Variants in LRRC23 observed in about 807,000 individuals in gnomAD.
The protein encoded by LRRC23 is leucine-rich repeat-containing protein 23.
In LRRC23, 28 loss-of-function variants were observed where a neutral mutation model predicts 37.7. That is an observed-to-expected ratio of 0.74 (90% CI 0.55 to 1.02). LRRC23 has a LOEUF of 1.02. LRRC23 is among the 50% of genes least tolerant of loss of function. The pLI is 0.00. For synonymous variants in LRRC23, 161 were observed against 165.4 expected (o/e 0.97, Z 0.20); for missense variants, 377 against 413.2 (o/e 0.91, Z 0.76).
intron 7 of LRRC23, 172 bp downstream of exon 7, chr12:6,913,199 G>A: frequency 3.1e-6 from 2 of 651,434 alleles, no homozygotes; most frequent in Non-Finnish European, 2.6e-6. Flanking sequence ...GACCCAAGGG[G>A]CCTGGGACCA....
At position 6,906,759 on chromosome 12, in the gene LRRC23, C is replaced by T. The variant is rs1222398306; in HGVS notation, c.490+97C>T. ...GTCCTTGGCTAGGGCACATGGCAGT[C>T]TGCATTCATTCATTCATTCAGATAC... On this transcript the variant is annotated intron_variant, in intron 4 of 7. Transcript: ENST00000443597. The T allele has an allele frequency of 3.2e-6, 4 of 1,261,920 alleles. No individual in the cohort carries two copies. In the East Asian group the frequency reaches 7.0e-5, roughly 22 times the overall value. 78.2% of individuals were successfully genotyped at this position (1,261,920 alleles called of 1,614,324 possible). A position where few individuals can be genotyped will look rare whatever the true frequency, so the allele number is the denominator to read the frequency against.
intron 6 of LRRC23, among the ~76,000 whole-genome samples, chr12:6,911,611 T>A (rs192482151): frequency 6.6e-6 from 1 of 152,334 alleles, no homozygotes; most frequent in Non-Finnish European, 1.5e-5. Flanking sequence ...ACAAAGTTCC[T>A]GTAGCCCTCC....
intron 4 of LRRC23, 185 bp downstream of exon 4, chr12:6,906,847 C>T (rs1241371358): frequency 3.5e-5 from 23 of 654,996 alleles, no homozygotes; most frequent in South Asian, 2.1e-4. Flanking sequence ...AGACAAGGAA[C>T]GTCCCTATTC....
intron 1 of LRRC23, 186 bp downstream of exon 1, chr12:6,905,261 T>G: frequency 9.8e-6 from 2 of 204,316 alleles, no homozygotes; most frequent in Non-Finnish European, 1.0e-5. Flanking sequence ...GTAGGGAAGA[T>G]TGGAGAGCAT....
At position 6,905,837 on chromosome 12, in the gene LRRC23, A is replaced by G. The variant is rs550498125; in HGVS notation, c.127-8A>G. ...GGGAGAGACACCTTACTCCACTTCT[A>G]CCTGCAGTGGCTGCCCACCCCCCTC... On this transcript the variant is annotated splice_region_variant and splice_polypyrimidine_tract_variant and intron_variant, in intron 2 of 7. Coordinates refer to ENST00000443597, the MANE Select transcript of LRRC23 (RefSeq NM_001135217.2). The G allele has an allele frequency of 1.7e-5, 28 of 1,612,964 alleles. No individual in the cohort carries two copies. Among genetic ancestry groups the G allele is most frequent in the Admixed American group, 3.3e-5 (2 of 59,980 alleles).
At position 6,909,441 on chromosome 12, in the gene LRRC23, A is replaced by G. The variant is rs868989789; in HGVS notation, c.622-449A>G. On this transcript the variant is annotated intron_variant, in intron 5 of 7. Coordinates refer to ENST00000443597, the MANE Select transcript of LRRC23 (RefSeq NM_001135217.2). ...TATATAATATATAAATATTATATAT[A>G]ATAGTATATAATATATAATATATAA... Among the ~76,000 whole-genome samples the G allele has an allele frequency of 1.9e-4, 15 of 79,276 alleles. 3 individuals are homozygous for G. The highest frequency in any genetic ancestry group is 7.0e-4 in the African/African-American group (12 of 17,028). 52.0% of individuals were successfully genotyped at this position (79,276 alleles called of 152,430 possible). A position where few individuals can be genotyped will look rare whatever the true frequency, so the allele number is the denominator to read the frequency against.
Position 6,912,771 on chromosome 12 carries a change from G to A in LRRC23, c.800G>A (p.Arg267Gln). 73 of 1,614,116 alleles carry A rather than the reference G, an allele frequency of 4.5e-5. No homozygotes were observed. The highest frequency in any genetic ancestry group is 6.1e-5 in the Non-Finnish European group (72 of 1,180,018). ...AACCTGGGGGAGCTGGCCAAGCTTC[G>A]AGACCTGCCCAAGCTGCGAGCGTTG... is the stretch of plus-strand genomic sequence containing the variant. The part of the protein sequence containing the change: ...VANLGELAKL[R>Q]DLPKLRALVL... The change falls in exon 7 of 8, where the codon CGA becomes CAA. Residue 267 changes from arginine to glutamine, a missense_variant. Coordinates refer to ENST00000443597, the MANE Select transcript of LRRC23 (RefSeq NM_001135217.2).
chr12:6,913,276 G>GT, intron 7 of LRRC23: 1 of 474,144 alleles, frequency 2.1e-6, no homozygotes, highest in East Asian at 3.7e-5. Flanking sequence ...AGAGGAGTTG[G>GT]TGGGGGGTGG....
intron 6 of LRRC23, among the ~76,000 whole-genome samples, chr12:6,911,769 G>A (rs1033380375): frequency 2.0e-5 from 3 of 152,146 alleles, no homozygotes; most frequent in East Asian, 1.9e-4. Flanking sequence ...GCACTTTGGG[G>A]GGGCCAAGGC....
rs1379576759 is a variant in LRRC23, at chr12:6,905,932, G to A, written c.214G>A (p.Val72Ile). 6.2e-7 allele frequency: 1 copy of A among 1,613,910 alleles called. No individual in the cohort carries two copies. Among genetic ancestry groups the A allele is most frequent in the African/African-American group, 1.3e-5 (1 of 74,854 alleles). ...AGGCAATGGGCTGGCTCATGCTTAT[G>A]TCAAGCTGGAGGTTAAAGAGAGGTG... ...KTGNGLAHAY[V>I]KLEVKERDLT... The change falls in exon 3 of 8, where the codon GTC becomes ATC. Residue 72 changes from valine (V) to isoleucine (I), a missense_variant. Transcript: ENST00000443597.
intron 6 of LRRC23, among the ~76,000 whole-genome samples, chr12:6,910,942 T>TCAGGCA (rs1945144808): frequency 6.6e-6 from 1 of 151,950 alleles, no homozygotes; most frequent in African/African-American, 2.4e-5. Flanking sequence ...CAGAGGTGAT[T>TCAGGCA]CCTGTTCCTA....
intron 5 of LRRC23, among the ~76,000 whole-genome samples, chr12:6,908,596 C>CAAAAAAAAAAAAAAAAAAAAAA (rs61662814): frequency 3.2e-5 from 1 of 31,090 alleles, no homozygotes; most frequent in African/African-American, 9.8e-5. Context: ...GACTCCATCT[C>CAAAAAAAAAAAAAAAAAAAAAA]AAAAAAAAAA....
chr12:6,910,846 G>A (rs1555140631), intron 6 of LRRC23, among the ~76,000 whole-genome samples: 1 of 152,168 alleles, frequency 6.6e-6, no homozygotes, highest in Non-Finnish European at 1.5e-5. Flanking sequence ...GAGCCCAGGA[G>A]TTCAAGGTTG....
Position 6,914,200 on chromosome 12 carries a change from T to G in LRRC23, c.*334T>G. 1 of 782,044 alleles carries G rather than the reference T, an allele frequency of 1.3e-6. No individual in the cohort carries two copies. The highest frequency in any genetic ancestry group is 2.0e-6 in the Non-Finnish European group (1 of 509,630). The allele number at this position is 782,044 out of a possible 1,614,324, so 48.4% of individuals were successfully genotyped here. On this transcript the variant is annotated 3_prime_UTR_variant, in exon 8 of 8. Transcript: ENST00000443597. The surrounding 1 kb of genome is among the most constrained non-coding windows in gnomAD (Gnocchi z 7.1). ...AGACTTGCGAAGGCGGCTGGGGTGT[T>G]CGGATTTCCAATAAAGAAACAGAGT...
At chr12:6,913,180 A>G in intron 7 of LRRC23, 153 bp downstream of exon 7, 1 of 753,984 alleles carries the variant, frequency 1.3e-6, no homozygotes, top group Non-Finnish European at 2.0e-6. Context: ...AGTCAGGGAG[A>G]GGAAAAGGGA....
rs781851520 is a variant in LRRC23, at chr12:6,913,935, G to A, written c.*69G>A. 1.1e-5 allele frequency: 17 copies of A among 1,611,294 alleles called. No individual in the cohort carries two copies. The highest frequency in any genetic ancestry group is 1.7e-5 in the Admixed American group (1 of 59,406). ...TTCAGACCTGATCAGACTCCCAGGG[G>A]CAGCCACCACATGTATGACAGAGAA... On this transcript the variant is annotated 3_prime_UTR_variant, in exon 8 of 8. Coordinates refer to ENST00000443597, the MANE Select transcript of LRRC23 (RefSeq NM_001135217.2).
At chr12:6,906,820 C>A in intron 4 of LRRC23, 158 bp downstream of exon 4, 1 of 807,518 alleles carries the variant, frequency 1.2e-6, no homozygotes, top group Non-Finnish European at 2.0e-6. Context: ...TACATGCTAA[C>A]CATATAGGAT....
chr12:6,907,131 G>A (rs1239647912), intron 4 of LRRC23, among the ~76,000 whole-genome samples, 184 bp from the exon 5 acceptor site: 4 of 152,168 alleles, frequency 2.6e-5, no homozygotes, highest in African/African-American at 7.2e-5. Context: ...ATGTCCATCA[G>A]GACCTTGGAC....
intron 1 of LRRC23, among the ~76,000 whole-genome samples, 164 bp from the exon 2 acceptor site, chr12:6,905,414 CAGTGGAA>C (rs1555139329): frequency 6.6e-6 from 1 of 151,784 alleles, no homozygotes; most frequent in African/African-American, 2.4e-5. Context: ...AGGGGGTCCT[CAGTGGAA>C]AGTGTGAAGT....
Sources: gnomAD v4.1 joint callset for allele counts (sites outside exome capture counted in the v4.1 genomes callset) on GRCh38, gnomAD v4.1.1 for gene constraint, Gnocchi (gnomAD v3.1) non-coding constraint, MANE v1.5 for transcripts, NCBI Gene and HGNC (gene_info 2026-07-23, HGNC 2026-07-21) for gene names.